LSAMP: variants seen among roughly 807,000 people sequenced by gnomAD.
The protein encoded by LSAMP is limbic system associated membrane protein.
In LSAMP, 7 loss-of-function variants were observed where a neutral mutation model predicts 38.6. The observed-to-expected ratio is 0.18, with a 90% CI of 0.10 to 0.34. The LOEUF is 0.34. Among genes scored for constraint, LSAMP ranks in the 10% least tolerant of loss-of-function variants. LSAMP has a pLI of 1.00. For synonymous variants in LSAMP, 154 were observed against 166.8 expected (o/e 0.92, Z 0.59); for missense variants, 313 against 420.0 (o/e 0.75, Z 2.23).
At chr3:116,041,262 T>G (rs532540875) in intron 2 of LSAMP, among the ~76,000 whole-genome samples, 1 of 152,222 alleles carries the variant, frequency 6.6e-6, no homozygotes, top group Admixed American at 6.5e-5. Flanking sequence ...AACAAAATGG[T>G]GAATTGATTC....
intron 1 of LSAMP, chr3:116,368,293 CA>C (rs963520054): frequency 1.3e-5 from 2 of 152,102 alleles, no homozygotes; most frequent in African/African-American, 4.8e-5. Context: ...CTCATAACTC[CA>C]AAAGACGCAT....
chr3:116,259,276 T>A (rs1025232022), intron 1 of LSAMP, among the ~76,000 whole-genome samples: 3 of 152,154 alleles, frequency 2.0e-5, no homozygotes, highest in African/African-American at 7.2e-5. Flanking sequence ...AAAAACCTTT[T>A]TTAGCTTATT....
At chr3:116,113,488 G>C (rs372660366) in intron 1 of LSAMP, among the ~76,000 whole-genome samples, 1 of 138,686 alleles carries the variant, frequency 7.2e-6, no homozygotes, top group East Asian at 2.1e-4. Flanking sequence ...TGCAGTGGCG[G>C]GATCTCGGCT....
chr3:116,027,241 T>C (rs1415754940), intron 2 of LSAMP, among the ~76,000 whole-genome samples: 3 of 152,158 alleles, frequency 2.0e-5, no homozygotes, highest in Non-Finnish European at 4.4e-5. Context: ...AAAGAATAAC[T>C]ATTATTTTAT....
intron 4 of LSAMP, 102 bp from the exon 5 acceptor site, chr3:115,842,680 G>GA: frequency 6.9e-7 from 1 of 1,451,452 alleles, no homozygotes; most frequent in East Asian, 2.4e-5. Context: ...AGAGAGGCAG[G>GA]AAGGGAGCCA....
chr3:116,068,305 C>T (rs1160988347), intron 2 of LSAMP, among the ~76,000 whole-genome samples: 1 of 152,142 alleles, frequency 6.6e-6, no homozygotes, highest in Admixed American at 6.5e-5. Flanking sequence ...TGCTATAAAT[C>T]ATTATCTGTT....
At chr3:116,401,663 T>G (rs2048843070) in intron 1 of LSAMP, among the ~76,000 whole-genome samples, 1 of 152,194 alleles carries the variant, frequency 6.6e-6, no homozygotes, top group Admixed American at 6.5e-5. Context: ...CTGACCAGCT[T>G]CTGACTCTTT....
intron 6 of LSAMP, among the ~76,000 whole-genome samples, chr3:115,823,132 A>T (rs938851888): frequency 2.6e-5 from 4 of 152,248 alleles, no homozygotes; most frequent in Non-Finnish European, 1.5e-5. Context: ...AAAAGAACAC[A>T]TCTATTAAAG....
chr3:116,225,859 C>G (rs772057123), intron 1 of LSAMP, among the ~76,000 whole-genome samples: 10 of 151,882 alleles, frequency 6.6e-5, no homozygotes, highest in Non-Finnish European at 1.2e-4. Context: ...AAATAACAAT[C>G]AGTTTTGCAA....
intron 2 of LSAMP, among the ~76,000 whole-genome samples, chr3:116,063,282 T>A (rs1190022136): frequency 6.6e-6 from 1 of 152,228 alleles, no homozygotes; most frequent in Non-Finnish European, 1.5e-5. Context: ...TCCTTCTGAA[T>A]TACACACAAT....
intron 6 of LSAMP, among the ~76,000 whole-genome samples, chr3:115,818,175 G>A (rs1013181585): frequency 6.6e-6 from 1 of 152,136 alleles, no homozygotes; most frequent in East Asian, 1.9e-4. Context: ...GACTCAAGAG[G>A]TATCACTGGG....
intron 2 of LSAMP, among the ~76,000 whole-genome samples, chr3:116,085,165 G>A (rs1338710338): frequency 6.6e-6 from 1 of 152,176 alleles, no homozygotes; most frequent in Non-Finnish European, 1.5e-5. Context: ...TGCTTTGACT[G>A]TGATTGGAAC....
At chr3:116,111,902 T>C (rs1202557971) in intron 1 of LSAMP, among the ~76,000 whole-genome samples, 1 of 152,200 alleles carries the variant, frequency 6.6e-6, no homozygotes, top group Non-Finnish European at 1.5e-5. Context: ...AGCCACAAGG[T>C]GGAGGCATGT....
intron 1 of LSAMP, among the ~76,000 whole-genome samples, chr3:116,444,410 C>CACACACACACACAT (rs1553737226): frequency 1.3e-5 from 2 of 149,418 alleles, no homozygotes; most frequent in Non-Finnish European, 3.0e-5. Flanking sequence ...CACACACACA[C>CACACACACACACAT]AGACACGGGA....
rs147944532 is a variant in LSAMP at position 116,055,676 on chromosome 3, A to G, written c.388+30648T>C. On this transcript the variant is annotated intron_variant, in intron 2 of 6. Transcript: ENST00000490035. The stretch of plus-strand genomic sequence containing the variant: ...TTTCCTGGTCCTGGCTCACCCTGGG[A>G]CCTATTCCAGGATCAGTCATTTTCG... 1.2e-3 allele frequency among the ~76,000 whole-genome samples: 185 copies of G among 152,274 alleles called. 2 individuals carry two copies. Among genetic ancestry groups the G allele is most frequent in the South Asian group, 5.8e-3 (28 of 4,826 alleles).
In LSAMP at chr3:115,954,959, GTTTTTTT is replaced by G. The variant is rs56322133; in HGVS notation, c.514+64549_514+64555del. 3.8e-4 allele frequency among the ~76,000 whole-genome samples: 56 copies of G among 147,388 alleles called. No individual in the cohort carries two copies. The Middle Eastern group carries it at 0.01, about 28-fold the overall frequency. On this transcript the variant is annotated intron_variant, in intron 3 of 6. Transcript: ENST00000490035. Reference sequence around the variant, plus strand: ...TAATGTTTTTTCTGTTTTTGTTTTTGTTTTTTTTTTTTTGAGATGGAGTCTTGCCCTG... The same window carrying G: ...TAATGTTTTTTCTGTTTTTGTTTTTGTTTTTTGAGATGGAGTCTTGCCCTG...
At chr3:116,297,010 G>A (rs911679621) in intron 1 of LSAMP, among the ~76,000 whole-genome samples, 1 of 152,008 alleles carries the variant, frequency 6.6e-6, no homozygotes, top group African/African-American at 2.4e-5. Flanking sequence ...CGTATCTCTT[G>A]CCTATCTTTG....
rs3974285 is a variant in LSAMP, at chr3:116,220,185, A to AACACACACACACACACAC, written c.156-133647_156-133630dup. Among the ~76,000 whole-genome samples the AACACACACACACACACAC allele has an allele frequency of 1.5e-3, 212 of 141,446 alleles. 2 individuals are homozygous for AACACACACACACACACAC. The highest frequency in any genetic ancestry group is 1.7e-3 in the African/African-American group (64 of 38,502). The allele number at this position is 141,446 out of a possible 152,430, so 92.8% of individuals were successfully genotyped here. A position where few individuals can be genotyped will look rare whatever the true frequency, so the allele number is the denominator to read the frequency against. On this transcript the variant is annotated intron_variant, in intron 1 of 6. Coordinates refer to ENST00000490035, the MANE Select transcript of LSAMP (RefSeq NM_002338.5). ...GTGACAGAGTGAGACTCCATCTCAA[A>AACACACACACACACACAC]ACACACACACACACACACACACACA...
chr3:116,223,502 T>C (rs752784613), intron 1 of LSAMP, among the ~76,000 whole-genome samples: 7 of 152,172 alleles, frequency 4.6e-5, no homozygotes, highest in Non-Finnish European at 7.4e-5. Flanking sequence ...ATTTAAAATA[T>C]GTAAGAATAA....
Sources: gnomAD v4.1 joint callset for allele counts (sites outside exome capture counted in the v4.1 genomes callset) on GRCh38, gnomAD v4.1.1 for gene constraint, MANE v1.5 for transcripts, NCBI Gene and HGNC (gene_info 2026-07-23, HGNC 2026-07-21) for gene names.